N4BP2L2: variants seen among roughly 807,000 people sequenced by gnomAD.
The protein encoded by N4BP2L2 is NEDD4 binding protein 2 like 2, also known as NEDD4-binding protein 2-like 2.
N4BP2L2 carries 50 observed loss-of-function variants against 56.2 expected under a neutral mutation model. The ratio of observed to expected loss-of-function variants is 0.89; its 90% CI spans 0.71 to 1.13. The LOEUF (loss-of-function observed/expected upper bound fraction) is 1.13, where lower values mean the gene tolerates loss of function less well. Ranked by LOEUF, N4BP2L2 falls within the 50% of genes most tolerant of loss-of-function variation. The probability of loss-of-function intolerance (pLI) is 0.00; values close to 1 mark genes in which losing one functional copy is unlikely to be tolerated. For missense variants in N4BP2L2, 689 were observed against 693.8 expected, an observed-to-expected ratio of 0.99 and a Z score of 0.08; for synonymous variants, 203 against 223.6, an observed-to-expected ratio of 0.91 and a Z score of 0.82.
At chr13:32,434,506 G>C (rs2075253427) in intron 9 of N4BP2L2, among the ~76,000 whole-genome samples, 1 of 151,806 alleles carries the variant, frequency 6.6e-6, no homozygotes, top group African/African-American at 2.4e-5. Context: ...CCTCTGTTTA[G>C]GGTCACACAC....
chr13:32,483,684 T>C (rs2085240699), intron 6 of N4BP2L2, among the ~76,000 whole-genome samples: 1 of 152,198 alleles, frequency 6.6e-6, no homozygotes, highest in African/African-American at 2.4e-5. Flanking sequence ...TCTAAAATAA[T>C]AATTTAGTAA....
chr13:32,456,380 T>A lies in N4BP2L2; in HGVS notation c.366-12254A>T, dbSNP rs147428051. Reference sequence around the variant, plus strand: ...CCATAGATACATCCTTAGGAAGAAGTCTTCCCCTATAAAAGCATAGCCAAA... The same window carrying A: ...CCATAGATACATCCTTAGGAAGAAGACTTCCCCTATAAAAGCATAGCCAAA... On this transcript the variant is annotated intron_variant, in intron 6 of 9. Coordinates refer to the N4BP2L2 transcript ENST00000357505. Among the ~76,000 whole-genome samples the A allele has an allele frequency of 3.7e-3, 562 of 152,306 alleles. 5 individuals carry two copies. Among genetic ancestry groups the A allele is most frequent in the African/African-American group, 0.012 (510 of 41,570 alleles).
downstream of N4BP2L2, chr13:32,507,310 AC>A (rs1217656799): frequency 6.6e-6 from 1 of 152,092 alleles, no homozygotes; most frequent in African/African-American, 2.4e-5. Flanking sequence ...AAATATACAG[AC>A]TGGAGTTCAG....
chr13:32,444,196 A>T, intron 6 of N4BP2L2: 1 of 1,180,354 alleles, frequency 8.5e-7, no homozygotes, highest in Non-Finnish European at 1.1e-6. Flanking sequence ...CTATAACATC[A>T]TACTCTTCAT....
At chr13:32,517,689 T>C (rs2049536749) in exon 6 of N4BP2L2, 1 of 1,436,716 alleles carries the variant, frequency 7.0e-7, no homozygotes, top group Non-Finnish European at 9.1e-7. Context: ...GCTGGGAACA[T>C]CCTTTGTGAG....
chr13:32,446,689 C>A (rs189619888), intron 6 of N4BP2L2: 1 of 213,416 alleles, frequency 4.7e-6, no homozygotes. Flanking sequence ...AATGCAGTTA[C>A]TGAAACACAC....
At chr13:32,478,227 C>T in intron 6 of N4BP2L2, 1 of 379,826 alleles carries the variant, frequency 2.6e-6, no homozygotes. Context: ...AAGAAGCGTA[C>T]CACTGCAGGT....
At chr13:32,436,357 T>G in intron 9 of N4BP2L2, 1 of 1,224,878 alleles carries the variant, frequency 8.2e-7, no homozygotes, top group Non-Finnish European at 1.1e-6. Flanking sequence ...TAAGTCATAC[T>G]TACAGTTCAA....
chr13:32,538,844 T>C, upstream of N4BP2L2: 1 of 985,434 alleles, frequency 1.0e-6, no homozygotes, highest in Non-Finnish European at 1.2e-6. Context: ...GCGCCAGGCA[T>C]TGTGGGAATT....
At chr13:32,521,344 A>G in intron 5 of N4BP2L2, 29 bp downstream of exon 5, 1 of 1,455,952 alleles carries the variant, frequency 6.9e-7, no homozygotes, top group Non-Finnish European at 9.6e-7. Context: ...AGAAAAGTTA[A>G]GGATTCAATA....
At chr13:32,481,118 C>CAAAAA (rs60854435) in intron 6 of N4BP2L2, among the ~76,000 whole-genome samples, 265 of 20,698 alleles carry the variant, frequency 0.013, 56 homozygotes, top group East Asian at 0.032. Context: ...GACTCTGTCT[C>CAAAAA]AAAAAAAAAA....
downstream of N4BP2L2, chr13:32,506,034 C>G (rs936443888): frequency 1.6e-4 from 24 of 152,212 alleles, no homozygotes; most frequent in Non-Finnish European, 2.9e-5. Flanking sequence ...TTTACTAGGG[C>G]TTCCATAGCA....
At chr13:32,442,816 C>T (rs769213511) in exon 7 of N4BP2L2, 17 of 1,613,604 alleles carry the variant, frequency 1.1e-5, no homozygotes, top group Admixed American at 3.3e-5. Context: ...ATGAGAATAA[C>T]GCTGTCCATC....
At chr13:32,496,595 T>C (rs1397988737) in intron 6 of N4BP2L2, among the ~76,000 whole-genome samples, 1 of 152,216 alleles carries the variant, frequency 6.6e-6, no homozygotes, top group African/African-American at 2.4e-5. Context: ...ATGTTTTCCA[T>C]GTAGAAGACA....
intron 6 of N4BP2L2, among the ~76,000 whole-genome samples, chr13:32,493,854 T>C (rs1468700807): frequency 2.0e-5 from 3 of 152,216 alleles, no homozygotes; most frequent in Non-Finnish European, 4.4e-5. Flanking sequence ...AATACTTAGA[T>C]TTTTGGGACA....
intron 6 of N4BP2L2, among the ~76,000 whole-genome samples, chr13:32,444,897 G>GTTAC: frequency 6.6e-6 from 1 of 152,060 alleles, no homozygotes; most frequent in Non-Finnish European, 1.5e-5. Flanking sequence ...TGTACAGCAT[G>GTTAC]TTACTACACT....
intron 6 of N4BP2L2, among the ~76,000 whole-genome samples, chr13:32,492,916 G>GT (rs35025430): frequency 0.52 from 55,412 of 107,136 alleles, 16,653 homozygotes; most frequent in Non-Finnish European, 0.6. Flanking sequence ...TAGCTTTTCT[G>GT]TTTTTTTTTT....
intron 2 of N4BP2L2, among the ~76,000 whole-genome samples, chr13:32,530,951 C>G (rs2054599727): frequency 6.6e-6 from 1 of 151,286 alleles, no homozygotes; most frequent in Non-Finnish European, 1.5e-5. Flanking sequence ...TTCTCTTTCA[C>G]TTTGAAAGAA....
At chr13:32,468,948 C>G (rs904098164) in intron 6 of N4BP2L2, among the ~76,000 whole-genome samples, 1 of 152,192 alleles carries the variant, frequency 6.6e-6, no homozygotes, top group Non-Finnish European at 1.5e-5. Context: ...GTGGCAGGAG[C>G]TGCAGAGCTG....
Sources: gnomAD v4.1 joint callset for allele counts (sites outside exome capture counted in the v4.1 genomes callset) on GRCh38, gnomAD v4.1.1 for gene constraint, MANE v1.5 for transcripts, NCBI Gene and HGNC (gene_info 2026-07-23, HGNC 2026-07-21) for gene names.